The following DAB1 variants were observed in gnomAD, a reference collection of about 807,000 sequenced individuals.
DAB1 encodes the protein DAB adaptor protein 1.
In DAB1, 15 loss-of-function variants were observed where a neutral mutation model predicts 64.6. The observed-to-expected ratio is 0.23, with a 90% confidence interval of 0.16 to 0.36. The LOEUF is 0.36. Ranked by LOEUF, DAB1 falls within the 10% of genes least tolerant of loss-of-function variation. The pLI is 1.00. For missense variants in DAB1, 596 were observed against 706.7 expected (o/e 0.84, Z 1.78); for synonymous variants, 235 against 251.9 (o/e 0.93, Z 0.64).
At chr1:57,501,985 T>C (rs11576785) in intron 7 of DAB1, among the ~76,000 whole-genome samples, 2,019 of 152,218 alleles carry the variant, frequency 0.013, 11 homozygotes, top group Non-Finnish European at 0.02. Context: ...ATCCTCACTG[T>C]TCTTCTGTCT....
intron 4 of DAB1, among the ~76,000 whole-genome samples, chr1:58,341,292 C>A (rs537507799): frequency 9.2e-5 from 14 of 151,922 alleles, no homozygotes; most frequent in Admixed American, 3.3e-4. Context: ...GCTCTGAAGC[C>A]GTAACAGGAG....
At chr1:58,026,404 C>T (rs1250572987) in intron 5 of DAB1, among the ~76,000 whole-genome samples, 1 of 152,110 alleles carries the variant, frequency 6.6e-6, no homozygotes, top group African/African-American at 2.4e-5. Context: ...TCAGTATCTC[C>T]ATTTTTTCAT....
chr1:57,959,779 T>G (rs2100267368), intron 5 of DAB1, among the ~76,000 whole-genome samples: 1 of 152,340 alleles, frequency 6.6e-6, no homozygotes, highest in South Asian at 2.1e-4. Context: ...ATCGGTTTCC[T>G]AAATGCCTTT....
chr1:57,462,018 A>G (rs1346939332), intron 7 of DAB1, among the ~76,000 whole-genome samples: 3 of 131,208 alleles, frequency 2.3e-5, no homozygotes, highest in Non-Finnish European at 3.1e-5. Flanking sequence ...CAATGGCACG[A>G]TCTTGGCTCA....
chr1:57,787,972 C>T (rs990404051), intron 6 of DAB1, among the ~76,000 whole-genome samples: 8 of 133,242 alleles, frequency 6.0e-5, no homozygotes, highest in African/African-American at 2.3e-4. Context: ...CCACTGCATA[C>T]CTATTATGAT....
At chr1:58,331,121 T>G (rs1303534637) in intron 4 of DAB1, among the ~76,000 whole-genome samples, 1 of 152,220 alleles carries the variant, frequency 6.6e-6, no homozygotes, top group Admixed American at 6.5e-5. Context: ...AAGGTCAAAC[T>G]ATCAACTTTA....
At chr1:57,092,150 G>A (rs1225580962) in intron 4 of DAB1, among the ~76,000 whole-genome samples, 1 of 152,170 alleles carries the variant, frequency 6.6e-6, no homozygotes, top group Non-Finnish European at 1.5e-5. Flanking sequence ...CCCCTTAGGG[G>A]GACATTGGTT....
At chr1:58,173,757 TG>T (rs1315613492) in intron 4 of DAB1, among the ~76,000 whole-genome samples, 1 of 152,212 alleles carries the variant, frequency 6.6e-6, no homozygotes, top group Non-Finnish European at 1.5e-5. Flanking sequence ...AACGTCAACC[TG>T]TATCTGCCTC....
chr1:58,233,907 A>T (rs1024208623), intron 4 of DAB1, among the ~76,000 whole-genome samples: 31 of 152,204 alleles, frequency 2.0e-4, no homozygotes, highest in African/African-American at 7.5e-4. Flanking sequence ...ACCTAAACTT[A>T]AATTATTCCA....
At chr1:58,047,317 T>C (rs1372016502) in intron 5 of DAB1, among the ~76,000 whole-genome samples, 1 of 152,234 alleles carries the variant, frequency 6.6e-6, no homozygotes, top group Non-Finnish European at 1.5e-5. Context: ...TTTCAACATA[T>C]CCAAACTGTT....
intron 2 of DAB1, among the ~76,000 whole-genome samples, chr1:57,186,736 T>C (rs575010958): frequency 6.6e-6 from 1 of 152,264 alleles, no homozygotes; most frequent in Non-Finnish European, 1.5e-5. Context: ...AAGAATTTTA[T>C]AATTAGCAAA....
intron 7 of DAB1, among the ~76,000 whole-genome samples, chr1:57,484,163 A>G (rs529326029): frequency 1.2e-4 from 19 of 152,292 alleles, no homozygotes; most frequent in African/African-American, 4.3e-4. Context: ...ATGAGCATCA[A>G]GTGCTGAGTC....
At chr1:58,279,907 A>G (rs543099043) in intron 4 of DAB1, among the ~76,000 whole-genome samples, 1 of 152,224 alleles carries the variant, frequency 6.6e-6, no homozygotes, top group East Asian at 1.9e-4. Context: ...GATCGGCTCC[A>G]TTGAGCTCTC....
intron 2 of DAB1, among the ~76,000 whole-genome samples, chr1:57,182,874 A>C (rs1285654312): frequency 6.6e-6 from 1 of 152,170 alleles, no homozygotes; most frequent in Non-Finnish European, 1.5e-5. Context: ...TATGTGAGAC[A>C]CTAGTACATA....
intron 2 of DAB1, among the ~76,000 whole-genome samples, chr1:58,526,926 T>C (rs1646360636): frequency 6.6e-6 from 1 of 152,150 alleles, no homozygotes; most frequent in South Asian, 2.1e-4. Context: ...TCAATTTGTA[T>C]GTTTCATGTC....
chr1:57,582,127 G>C (rs1645320550), intron 7 of DAB1, among the ~76,000 whole-genome samples: 1 of 152,112 alleles, frequency 6.6e-6, no homozygotes, highest in Non-Finnish European at 1.5e-5. Context: ...CTCATTTAAA[G>C]CTATTCACCT....
intron 3 of DAB1, among the ~76,000 whole-genome samples, chr1:58,374,131 C>T (rs1644299808): frequency 1.0e-5 from 1 of 98,678 alleles, no homozygotes. Context: ...TTGTAGGTTG[C>T]CTGTTCACTC....
At chr1:57,906,949 T>C (rs1299497330) in intron 5 of DAB1, among the ~76,000 whole-genome samples, 2 of 134,090 alleles carry the variant, frequency 1.5e-5, no homozygotes, top group East Asian at 4.0e-4. Context: ...GATAGATAGA[T>C]AGATAGATAG....
intron 5 of DAB1, among the ~76,000 whole-genome samples, chr1:58,064,139 A>G (rs1648686449): frequency 6.6e-6 from 1 of 152,228 alleles, no homozygotes; most frequent in African/African-American, 2.4e-5. Context: ...AACCAGCTAT[A>G]GAGATATGAG....
Sources: allele counts gnomAD v4.1 joint callset (sites outside exome capture counted in the v4.1 genomes callset), GRCh38; gene constraint gnomAD v4.1.1; transcripts MANE v1.5; gene names NCBI Gene and HGNC (gene_info 2026-07-23, HGNC 2026-07-21).